Variants in CELF2 observed in about 807,000 individuals in gnomAD.
The protein encoded by CELF2 is CUGBP Elav-like family member 2.
A neutral mutation model predicts 62.6 loss-of-function variants in CELF2; 8 were observed. The observed-to-expected ratio is 0.13, with a 90% CI of 0.07 to 0.23. The LOEUF is 0.23. CELF2 is among the 10% of genes least tolerant of loss of function. The pLI, the probability that CELF2 is intolerant of heterozygous loss-of-function variation, is 1.00. For synonymous variants in CELF2, 258 were observed against 250.0 expected (o/e 1.03, Z -0.30); for missense variants, 333 against 671.0 (o/e 0.50, Z 5.56).
At chr10:11,257,527 C>T (rs922754750) in intron 4 of CELF2, 20 of 527,026 alleles carry the variant, frequency 3.8e-5, no homozygotes, top group South Asian at 1.2e-4. Context: ...CACAAGCACA[C>T]GGGGAGATGG....
intron 1 of CELF2, among the ~76,000 whole-genome samples, chr10:11,031,087 A>G (rs72772093): frequency 6.6e-6 from 1 of 152,216 alleles, no homozygotes; most frequent in Non-Finnish European, 1.5e-5. Context: ...AAATTTTTGC[A>G]TATGACTTAG....
intron 2 of CELF2, among the ~76,000 whole-genome samples, chr10:10,943,768 T>G (rs2047316494): frequency 4.6e-5 from 6 of 131,822 alleles, no homozygotes; most frequent in African/African-American, 1.4e-4. Flanking sequence ...CCAGCTTTTT[T>G]TTTGTTTTGT....
In CELF2 at chr10:11,046,247, C is replaced by T. The variant is rs2062823130; in HGVS notation, c.74+28084C>T. ...CCCCAGACGTTCCGATTCAGCGGGTCCAAGGTGGGGCTGGGAATTTGCATC... is the reference window on the plus strand; with the variant it reads ...CCCCAGACGTTCCGATTCAGCGGGTTCAAGGTGGGGCTGGGAATTTGCATC... On this transcript the variant is annotated intron_variant, in intron 1 of 12. Transcript: ENST00000633077. This position sits in a 1 kb window ranked among gnomAD's most constrained non-coding sequence, Gnocchi z 4.6. 6.6e-6 allele frequency among the ~76,000 whole-genome samples: 1 copy of T among 152,182 alleles called. No individual in the cohort carries two copies. Among genetic ancestry groups the T allele is most frequent in the Admixed American group, 6.5e-5 (1 of 15,282 alleles).
the CELF2 span, among the ~76,000 whole-genome samples, chr10:10,555,470 T>A: frequency 6.6e-6 from 1 of 152,186 alleles, no homozygotes; most frequent in Middle Eastern, 3.2e-3. Context: ...AATAAGATAC[T>A]GGCAAACCCA....
At chr10:10,699,226 T>G in the CELF2 span, among the ~76,000 whole-genome samples, 1 of 152,170 alleles carries the variant, frequency 6.6e-6, no homozygotes, top group African/African-American at 2.4e-5. Context: ...CATATCAAAT[T>G]TATGAAAGAA....
chr10:10,778,200 G>C, the CELF2 span, among the ~76,000 whole-genome samples: 1 of 152,306 alleles, frequency 6.6e-6, no homozygotes, highest in East Asian at 1.9e-4. Context: ...AGGTGGGGAA[G>C]ATTTGAAAGG....
At chr10:10,745,112 G>T in the CELF2 span, among the ~76,000 whole-genome samples, 1 of 68,664 alleles carries the variant, frequency 1.5e-5, no homozygotes, top group Non-Finnish European at 3.0e-5. Context: ...ACCATGCCAC[G>T]TAAAAAAAAA....
At chr10:10,735,012 G>C in the CELF2 span, among the ~76,000 whole-genome samples, 6 of 152,286 alleles carry the variant, frequency 3.9e-5, no homozygotes, top group South Asian at 8.3e-4. Flanking sequence ...ACCTTTTCCT[G>C]CCAGTTGTTA....
At chr10:10,951,121 C>G (rs774397520) in intron 2 of CELF2, among the ~76,000 whole-genome samples, 1 of 152,170 alleles carries the variant, frequency 6.6e-6, no homozygotes, top group Non-Finnish European at 1.5e-5. Context: ...TTCTTCAAAC[C>G]ACTCGGAACT....
intron 3 of CELF2, among the ~76,000 whole-genome samples, chr10:11,228,477 G>A: frequency 6.6e-6 from 1 of 152,056 alleles, no homozygotes; most frequent in East Asian, 1.9e-4. Context: ...TATCTTTTAT[G>A]GGTAATAATC....
chr10:10,927,351 A>AAAAAAAACAAC (rs548622050), intron 2 of CELF2: 1 of 137,650 alleles, frequency 7.3e-6, no homozygotes, highest in Non-Finnish European at 1.5e-5. Context: ...GACATTAAAA[A>AAAAAAAACAAC]AAAAAAAAAA....
the CELF2 span, among the ~76,000 whole-genome samples, chr10:10,726,679 G>A: frequency 3.9e-5 from 6 of 152,118 alleles, no homozygotes; most frequent in Non-Finnish European, 7.4e-5. Context: ...ACTTTGGGGG[G>A]AAAATGTTTA....
At chr10:11,127,823 C>T (rs986222622) in intron 1 of CELF2, among the ~76,000 whole-genome samples, 2 of 152,146 alleles carry the variant, frequency 1.3e-5, no homozygotes, top group Admixed American at 1.3e-4. Context: ...TTCTCCCATT[C>T]TGTAGGTTGT....
chr10:11,158,755 A>G (rs1443284135), intron 1 of CELF2, among the ~76,000 whole-genome samples: 3 of 152,112 alleles, frequency 2.0e-5, no homozygotes, highest in East Asian at 1.9e-4. Context: ...CGAATTTTGG[A>G]TGCATTTTAC....
chr10:11,001,929 C>A (rs148916844), upstream of CELF2, among the ~76,000 whole-genome samples: 53 of 152,292 alleles, frequency 3.5e-4, no homozygotes, highest in East Asian at 7.9e-3. Flanking sequence ...ACTCGACCTT[C>A]ATTTGGAATA....
chr10:10,791,267 T>C, the CELF2 span, among the ~76,000 whole-genome samples: 1 of 152,132 alleles, frequency 6.6e-6, no homozygotes, highest in Admixed American at 6.6e-5. Flanking sequence ...TTTTTATAGA[T>C]TGAGTGTGGT....
rs1450347195 is a variant in CELF2, at chr10:11,224,731, G to A, written c.354+7224G>A. 6.6e-6 allele frequency among the ~76,000 whole-genome samples: 1 copy of A among 152,192 alleles called. No individual in the cohort carries two copies. Among genetic ancestry groups the A allele is most frequent in the African/African-American group, 2.4e-5 (1 of 41,440 alleles). ...GACAGATCTTTAATCTTTGACATCAGCTGAGCGTAACTCAGGAGATGATGT... is the reference window on the plus strand; with the variant it reads ...GACAGATCTTTAATCTTTGACATCAACTGAGCGTAACTCAGGAGATGATGT... On this transcript the variant is annotated intron_variant, in intron 3 of 12. Transcript: ENST00000633077. This position sits in a 1 kb window ranked among gnomAD's most constrained non-coding sequence, Gnocchi z 4.5.
At chr10:10,526,815 T>C in the CELF2 span, among the ~76,000 whole-genome samples, 2 of 152,258 alleles carry the variant, frequency 1.3e-5, no homozygotes, top group African/African-American at 4.8e-5. Flanking sequence ...CTGGGTCCTT[T>C]CTACAGAACG....
In CELF2 at chr10:10,878,558, C is replaced by T. The variant is rs113372827; in HGVS notation, c.54-41406C>T. On this transcript the variant is annotated intron_variant, in intron 1 of 13. Coordinates refer to the CELF2 transcript ENST00000636488. ...GGTAGATAAAGATCTCATACACACA[C>T]GTCCAAGTGGGCAGGCCTAGACAAG... Among the ~76,000 whole-genome samples the T allele has an allele frequency of 7.2e-3, 1,097 of 152,256 alleles. 11 individuals are homozygous for T. The highest frequency in any genetic ancestry group is 0.022 in the African/African-American group (930 of 41,554).
Sources: allele counts gnomAD v4.1 joint callset (sites outside exome capture counted in the v4.1 genomes callset), GRCh38; gene constraint gnomAD v4.1.1; non-coding constraint Gnocchi (gnomAD v3.1); transcripts MANE v1.5; gene names NCBI Gene and HGNC (gene_info 2026-07-23, HGNC 2026-07-21).